Variants in MAPK14 observed in about 807,000 individuals in gnomAD.
The protein encoded by MAPK14 is mitogen-activated protein kinase 14.
A neutral mutation model predicts 49.6 loss-of-function variants in MAPK14; 16 were observed. The ratio of observed to expected loss-of-function variants is 0.32; its 90% CI spans 0.22 to 0.49. MAPK14 has a LOEUF of 0.49. MAPK14 is among the 20% of genes least tolerant of loss of function. The pLI is 0.99. For missense variants in MAPK14, 200 were observed against 441.2 expected (o/e 0.45, Z 4.90); for synonymous variants, 142 against 158.0 (o/e 0.90, Z 0.76).
At chr6:36,100,960 T>A (rs935704359) in intron 9 of MAPK14, among the ~76,000 whole-genome samples, 2 of 152,244 alleles carry the variant, frequency 1.3e-5, no homozygotes, top group Non-Finnish European at 2.9e-5. Flanking sequence ...ATTAAAGGGA[T>A]GACTGTTCTC....
intron 3 of MAPK14, among the ~76,000 whole-genome samples, chr6:36,067,191 C>G (rs184782080): frequency 2.9e-4 from 44 of 152,200 alleles, no homozygotes; most frequent in African/African-American, 1.0e-3. Context: ...CAATAAGATG[C>G]CACCTTTTTC....
chr6:36,090,393 G>A (rs1438719335), intron 8 of MAPK14, among the ~76,000 whole-genome samples: 2 of 148,738 alleles, frequency 1.3e-5, no homozygotes, highest in African/African-American at 5.0e-5. Context: ...GCGCAATCTC[G>A]GCTCACTGCA....
downstream of MAPK14, among the ~76,000 whole-genome samples, chr6:36,114,473 C>A (rs190042165): frequency 1.3e-4 from 19 of 150,152 alleles, no homozygotes; most frequent in African/African-American, 3.7e-4. Context: ...AAAAAATTAG[C>A]CGGGCTTGGT....
chr6:36,076,467 G>C, intron 7 of MAPK14, 70 bp from the exon 8 acceptor site: 1 of 1,090,468 alleles, frequency 9.2e-7, no homozygotes, highest in Non-Finnish European at 1.4e-6. Flanking sequence ...CCCTAGTTAC[G>C]GTTTCATTTG....
chr6:36,040,569 G>A (rs975392612), intron 1 of MAPK14, among the ~76,000 whole-genome samples: 2 of 152,192 alleles, frequency 1.3e-5, no homozygotes, highest in African/African-American at 4.8e-5. Context: ...AAGCTTAATG[G>A]ATGGGAGAAC....
chr6:36,062,881 C>T (rs1036377400), intron 3 of MAPK14, among the ~76,000 whole-genome samples: 159 of 152,048 alleles, frequency 1.0e-3, no homozygotes, highest in African/African-American at 3.7e-3. Flanking sequence ...TGGTCATGAA[C>T]GCTTGACCTC....
chr6:36,119,589 C>A, the MAPK14 span, among the ~76,000 whole-genome samples: 1 of 152,272 alleles, frequency 6.6e-6, no homozygotes, highest in Middle Eastern at 3.4e-3. Context: ...GCAGTGAAGA[C>A]AAATGAACTA....
At chr6:36,034,775 A>G (rs1329189816) in intron 1 of MAPK14, among the ~76,000 whole-genome samples, 2 of 151,660 alleles carry the variant, frequency 1.3e-5, no homozygotes, top group Non-Finnish European at 2.9e-5. Context: ...TTTTTTTTGC[A>G]AATTGAAGGT....
chr6:36,071,356 T>A (rs2127439414), intron 3 of MAPK14, among the ~76,000 whole-genome samples: 1 of 152,092 alleles, frequency 6.6e-6, no homozygotes, highest in Admixed American at 6.6e-5. Flanking sequence ...AAAATCAGCC[T>A]TTTTAGAACC....
At position 36,107,318 on chromosome 6, in the gene MAPK14, AATAT is replaced by A. The variant is rs1263874464; in HGVS notation, c.842-134_842-131del. On this transcript the variant is annotated intron_variant, in intron 10 of 11. Coordinates refer to ENST00000229794, the MANE Select transcript of MAPK14 (RefSeq NM_139012.3). The surrounding 1 kb of genome is among the most constrained non-coding windows in gnomAD (Gnocchi z 4.3). ...TACACACATAAAGGAGAAGAGGGCT[AATAT>A]ATCCTAGAGTAGGTATTTTGGAGGA... 3.8e-6 allele frequency: 2 copies of A among 524,438 alleles called. No homozygotes were observed. Among genetic ancestry groups the A allele is most frequent in the African/African-American group, 3.8e-5 (2 of 52,402 alleles). 32.5% of individuals were successfully genotyped at this position (524,438 alleles called of 1,614,324 possible).
rs1000039628 is a variant in MAPK14, at chr6:36,080,217, G to A, written c.682+3609G>A. Among the ~76,000 whole-genome samples the A allele has an allele frequency of 4.6e-5, 7 of 152,206 alleles. 1 individual carries two copies. Among genetic ancestry groups the A allele is most frequent in the East Asian group, 1.9e-4 (1 of 5,180 alleles). On this transcript the variant is annotated intron_variant, in intron 8 of 11. Coordinates refer to ENST00000229794, the MANE Select transcript of MAPK14 (RefSeq NM_139012.3). Reference sequence around the variant, plus strand: ...CCTCCCAAATTGCTAGATTACAGGCGCGAGCCACTGCACCCGGCCCCATTT... The same window carrying A: ...CCTCCCAAATTGCTAGATTACAGGCACGAGCCACTGCACCCGGCCCCATTT...
intron 3 of MAPK14, among the ~76,000 whole-genome samples, chr6:36,060,356 T>A (rs1254508821): frequency 3.9e-5 from 6 of 152,186 alleles, no homozygotes; most frequent in Admixed American, 3.9e-4. Flanking sequence ...AACTCTCTAC[T>A]ATAGTAGCTT....
At chr6:36,092,465 T>G in intron 8 of MAPK14, 1 of 639,282 alleles carries the variant, frequency 1.6e-6, no homozygotes, top group Non-Finnish European at 2.9e-6. Context: ...GGATGACCGC[T>G]ACATCATCAC....
intron 10 of MAPK14, among the ~76,000 whole-genome samples, chr6:36,104,942 A>G (rs977929882): frequency 6.6e-6 from 1 of 152,142 alleles, no homozygotes; most frequent in African/African-American, 2.4e-5. Context: ...TTTGCTAATG[A>G]GTTGAAAGGA....
intron 6 of MAPK14, among the ~76,000 whole-genome samples, chr6:36,074,540 G>A (rs1764440691): frequency 6.6e-6 from 1 of 152,040 alleles, no homozygotes; most frequent in Non-Finnish European, 1.5e-5. Flanking sequence ...AAAAATGTCT[G>A]TACATTAGAA....
intron 8 of MAPK14, among the ~76,000 whole-genome samples, chr6:36,084,944 A>G (rs906839915): frequency 2.0e-5 from 3 of 152,216 alleles, no homozygotes; most frequent in Non-Finnish European, 4.4e-5. Context: ...TAGGTCACCT[A>G]CAAAGGGAAG....
At chr6:36,047,324 C>T (rs573489053) in intron 1 of MAPK14, among the ~76,000 whole-genome samples, 11 of 152,194 alleles carry the variant, frequency 7.2e-5, no homozygotes, top group African/African-American at 2.6e-4. Context: ...GAAGAAAATC[C>T]TAGGAACCAG....
At chr6:36,071,018 A>C (rs1476677510) in intron 3 of MAPK14, among the ~76,000 whole-genome samples, 1 of 152,114 alleles carries the variant, frequency 6.6e-6, no homozygotes, top group African/African-American at 2.4e-5. Flanking sequence ...CAGTAAATAA[A>C]ACTTACACTT....
intron 6 of MAPK14, among the ~76,000 whole-genome samples, chr6:36,075,177 G>GCACCCC (rs1204010635): frequency 1.2e-4 from 16 of 132,494 alleles, no homozygotes; most frequent in African/African-American, 4.4e-4. Flanking sequence ...AGTGCGCCGA[G>GCACCCC]ATAGTGCCAC....
Sources: gnomAD v4.1 joint callset for allele counts (sites outside exome capture counted in the v4.1 genomes callset) on GRCh38, gnomAD v4.1.1 for gene constraint, Gnocchi (gnomAD v3.1) non-coding constraint, MANE v1.5 for transcripts, NCBI Gene and HGNC (gene_info 2026-07-23, HGNC 2026-07-21) for gene names.